Variants in MLXIPL observed in about 807,000 individuals in gnomAD.
The protein encoded by MLXIPL is carbohydrate-responsive element-binding protein.
A neutral mutation model predicts 81.5 loss-of-function variants in MLXIPL; 49 were observed. The ratio of observed to expected loss-of-function variants is 0.60; its 90% confidence interval spans 0.48 to 0.76. The LOEUF is 0.76. Among genes scored for constraint, MLXIPL ranks in the 30% least tolerant of loss-of-function variants. The probability of loss-of-function intolerance (pLI) is 0.00; values close to 1 mark genes in which losing one functional copy is unlikely to be tolerated. For synonymous variants in MLXIPL, 466 were observed against 485.5 expected, an observed-to-expected ratio of 0.96 and a Z score of 0.53; for missense variants, 1,053 against 1,167.0, an observed-to-expected ratio of 0.90 and a Z score of 1.42.
chr7:73,640,415 AG>A, the MLXIPL span, among the ~76,000 whole-genome samples: 1,864 of 147,572 alleles, frequency 0.013, 30 homozygotes, highest in African/African-American at 0.026. Flanking sequence ...AAAAAAAAAA[AG>A]AAAAAGAAAA....
rs202101424 is a variant in MLXIPL at position 73,599,694 on chromosome 7, A to G, written c.903T>C (p.Asp301=). Residue 301 remains aspartate, a splice_region_variant and synonymous_variant, in exon 8 of 17, where the codon GAT becomes GAC. Coordinates refer to ENST00000313375, the MANE Select transcript of MLXIPL (RefSeq NM_032951.3). ...PSLDDFMDIS[D]FFTNSRLPQP... ...GTGGGAGGCGGGAGTTGGTAAAGAAATCTGTAATTCAGACACACAGGGCAA... is the reference window on the plus strand; with the variant it reads ...GTGGGAGGCGGGAGTTGGTAAAGAAGTCTGTAATTCAGACACACAGGGCAA... 6.2e-7 allele frequency: 1 copy of G among 1,604,340 alleles called. No individual in the cohort carries two copies.
chr7:73,640,248 T>C, the MLXIPL span, among the ~76,000 whole-genome samples: 2 of 147,684 alleles, frequency 1.4e-5, no homozygotes, highest in African/African-American at 2.5e-5. Flanking sequence ...CTTAAAATAA[T>C]AGCAAAATTA....
In MLXIPL at chr7:73,595,710, C is replaced by T. The variant is rs558465034; in HGVS notation, c.2237G>A (p.Arg746His). The change falls in exon 15 of 17, where the codon CGT becomes CAT. Residue 746 changes from arginine to histidine, a missense_variant. Physicochemically the swap from Arg to His is conservative, Grantham distance 29. Coordinates refer to ENST00000313375, the MANE Select transcript of MLXIPL (RefSeq NM_032951.3). ...AAACATGTCTCGCATCTGGTCAAAA[C>T]GCTGGTGTGTGATGGGTACCCCTGT... is the stretch of plus-strand genomic sequence containing the variant. ...PATGVPITHQ[R>H]FDQMRDMFDD... 7.4e-6 allele frequency: 12 copies of T among 1,613,824 alleles called. No homozygotes were observed. Among genetic ancestry groups the T allele is most frequent in the Admixed American group, 5.0e-5 (3 of 59,966 alleles).
chr7:73,596,798 G>C lies in MLXIPL; in HGVS notation c.1672-9C>G. ...TCAGGGACTGTCTCCTGCTGGGGTG[G>C]AGAAGGGCGGAGAGTCGGGTTGAAG... is the stretch of plus-strand genomic sequence containing the variant. On this transcript the variant is annotated splice_polypyrimidine_tract_variant and intron_variant, in intron 10 of 16. Coordinates refer to ENST00000313375, the MANE Select transcript of MLXIPL (RefSeq NM_032951.3). This position sits in a 1 kb window ranked among gnomAD's most constrained non-coding sequence, Gnocchi z 4.7. The C allele has an allele frequency of 1.2e-6, 2 of 1,607,046 alleles. No homozygotes were observed. The highest frequency in any genetic ancestry group is 1.7e-6 in the Non-Finnish European group (2 of 1,177,632).
rs1196419524 is a variant in MLXIPL at position 73,623,078 on chromosome 7, A to T, written c.293+1122T>A. On this transcript the variant is annotated intron_variant, in intron 1 of 16. Coordinates refer to ENST00000313375, the MANE Select transcript of MLXIPL (RefSeq NM_032951.3). This position sits in a 1 kb window ranked among gnomAD's most constrained non-coding sequence, Gnocchi z 5.7. Reference sequence around the variant, plus strand: ...ATCGGGTTGCAACATGACCTGGGCCAGGGGCCAGAGCTTGTGGGCCAAGGT... The same window carrying T: ...ATCGGGTTGCAACATGACCTGGGCCTGGGGCCAGAGCTTGTGGGCCAAGGT... Among the ~76,000 whole-genome samples, 1 of 152,126 alleles carries T rather than the reference A, an allele frequency of 6.6e-6. No individual in the cohort carries two copies. Among genetic ancestry groups the T allele is most frequent in the African/African-American group, 2.4e-5 (1 of 41,432 alleles).
intron 8 of MLXIPL, 149 bp from the exon 9 acceptor site, chr7:73,597,862 C>T (rs1246600772): frequency 1.1e-5 from 5 of 444,014 alleles, no homozygotes; most frequent in African/African-American, 2.0e-5. Context: ...TGCCTTCCAA[C>T]ACACACAGGT....
chr7:73,599,441 G>A, intron 8 of MLXIPL, 85 bp downstream of exon 8: 2 of 1,523,490 alleles, frequency 1.3e-6, no homozygotes, highest in Non-Finnish European at 1.8e-6. Flanking sequence ...CACTCAGGGA[G>A]TGTCTGATAC....
intron 7 of MLXIPL, among the ~76,000 whole-genome samples, chr7:73,600,670 C>G (rs1261098160): frequency 1.5e-5 from 1 of 68,894 alleles, no homozygotes. Context: ...GGGCCTAAGG[C>G]TGGGCTCCGA....
chr7:73,605,379 T>C (rs1320694821), intron 7 of MLXIPL, among the ~76,000 whole-genome samples: 1 of 151,916 alleles, frequency 6.6e-6, no homozygotes, highest in Non-Finnish European at 1.5e-5. Flanking sequence ...GGCAACATGG[T>C]GAAACCCATC....
At chr7:73,611,436 G>T (rs1795683243) in intron 2 of MLXIPL, 1 of 152,200 alleles carries the variant, frequency 6.6e-6, no homozygotes, top group African/African-American at 2.4e-5. Context: ...TGGGACAAAC[G>T]AGGACACAGA....
chr7:73,599,947 A>G (rs961802789), intron 7 of MLXIPL, among the ~76,000 whole-genome samples: 1 of 151,890 alleles, frequency 6.6e-6, no homozygotes, highest in African/African-American at 2.4e-5. Flanking sequence ...GTGAACAGGG[A>G]CCCCAGGAAG....
intron 1 of MLXIPL, among the ~76,000 whole-genome samples, chr7:73,619,930 A>T (rs1796236264): frequency 6.6e-6 from 1 of 152,026 alleles, no homozygotes; most frequent in African/African-American, 2.4e-5. Context: ...ACTCCGTCTC[A>T]AAAAACAAAC....
At position 73,593,626 on chromosome 7, in the gene MLXIPL, C is replaced by G. The variant is rs1297532297; in HGVS notation, c.*239G>C. ...TTGAAACACAGCGGTCCAAAGACAGCGGACGAGTCACCCAAGGTCACGGTG... is the reference window on the plus strand; with the variant it reads ...TTGAAACACAGCGGTCCAAAGACAGGGGACGAGTCACCCAAGGTCACGGTG... On this transcript the variant is annotated 3_prime_UTR_variant, in exon 17 of 17. Transcript: ENST00000313375. The G allele has an allele frequency of 5.9e-6, 3 of 507,318 alleles. No individual in the cohort carries two copies. Among genetic ancestry groups the G allele is most frequent in the South Asian group, 4.0e-5 (2 of 49,774 alleles). The allele number at this position is 507,318 out of a possible 1,614,324, so 31.4% of individuals were successfully genotyped here.
chr7:73,603,212 C>T (rs528385537), intron 7 of MLXIPL, among the ~76,000 whole-genome samples: 2 of 152,310 alleles, frequency 1.3e-5, no homozygotes, highest in South Asian at 2.1e-4. Flanking sequence ...GGTACCAGTG[C>T]GCTCTGCCCT....
In MLXIPL at chr7:73,595,970, C is replaced by T; in HGVS notation, c.2059-1G>A. On this transcript the variant is annotated splice_acceptor_variant, in intron 13 of 16. Transcript: ENST00000313375. LOFTEE classifies it high-confidence loss of function. The stretch of plus-strand genomic sequence containing the variant: ...TCTGCAGCGTGGTAGCTTTGCTCAC[C>T]TGCAGACGCCACCAGGGGGGCTCAG... 1 of 1,612,594 alleles carries T rather than the reference C, an allele frequency of 6.2e-7. No individual in the cohort carries two copies. The highest frequency in any genetic ancestry group is 8.5e-7 in the Non-Finnish European group (1 of 1,179,984).
intron 1 of MLXIPL, among the ~76,000 whole-genome samples, chr7:73,619,338 G>A (rs1391503500): frequency 6.6e-6 from 1 of 151,986 alleles, no homozygotes; most frequent in African/African-American, 2.4e-5. Context: ...GCAGGCGTCT[G>A]TAGTCCCAGC....
chr7:73,614,474 C>T (rs1341139775), intron 2 of MLXIPL, among the ~76,000 whole-genome samples: 1 of 152,188 alleles, frequency 6.6e-6, no homozygotes, highest in Admixed American at 6.5e-5. Flanking sequence ...AGAAAACACA[C>T]CCTCTCCCTG....
chr7:73,598,225 C>A (rs982040392), intron 8 of MLXIPL, among the ~76,000 whole-genome samples: 1 of 152,066 alleles, frequency 6.6e-6, no homozygotes, highest in Non-Finnish European at 1.5e-5. Flanking sequence ...TCCATCCATC[C>A]GTCTTCCATC....
chr7:73,614,809 C>CTTTTTT (rs11307944), intron 2 of MLXIPL, among the ~76,000 whole-genome samples: 1 of 106,202 alleles, frequency 9.4e-6, no homozygotes, highest in African/African-American at 3.4e-5. Context: ...TTGTTTTGCC[C>CTTTTTT]TTTTTTTTTT....
Sources: allele counts gnomAD v4.1 joint callset (sites outside exome capture counted in the v4.1 genomes callset), GRCh38; gene constraint gnomAD v4.1.1; non-coding constraint Gnocchi (gnomAD v3.1); transcripts MANE v1.5; gene names NCBI Gene and HGNC (gene_info 2026-07-23, HGNC 2026-07-21).